MYO3A: variants seen among roughly 807,000 people sequenced by gnomAD.
MYO3A encodes the protein myosin-IIIa.
MYO3A carries 180 observed loss-of-function variants against 192.7 expected under a neutral mutation model. That is an observed-to-expected ratio of 0.93 (90% CI 0.83 to 1.06). The LOEUF (loss-of-function observed/expected upper bound fraction) is 1.06, where lower values mean the gene tolerates loss of function less well. Among genes scored for constraint, MYO3A ranks in the 50% least tolerant of loss-of-function variants. MYO3A has a pLI of 0.00. For missense variants in MYO3A, 1,896 were observed against 1,905.0 expected (o/e 1.00, Z 0.09); for synonymous variants, 628 against 645.3 (o/e 0.97, Z 0.41).
At position 25,944,925 on chromosome 10, in the gene MYO3A, C is replaced by A. The variant is rs144677373; in HGVS notation, c.-17-7169C>A. Among the ~76,000 whole-genome samples the A allele has an allele frequency of 4.6e-5, 7 of 151,860 alleles. No individual in the cohort carries two copies. The East Asian group carries it at 1.4e-3, about 29-fold the overall frequency. On this transcript the variant is annotated intron_variant, in intron 2 of 34. Transcript: ENST00000642920. ...TCATTATTTCCTACTTTTTTTGTCA[C>A]CTTTAGGTTCAGTTTGCTCCTCTTA...
intron 4 of MYO3A, among the ~76,000 whole-genome samples, chr10:25,982,861 T>G (rs1249755394): frequency 6.6e-6 from 1 of 151,990 alleles, no homozygotes; most frequent in Admixed American, 6.6e-5. Context: ...AGAAAAACAA[T>G]TCTAGTAATA....
intron 10 of MYO3A, among the ~76,000 whole-genome samples, chr10:26,041,893 T>C (rs924740158): frequency 2.0e-5 from 3 of 152,158 alleles, no homozygotes; most frequent in African/African-American, 7.2e-5. Flanking sequence ...TGTTTTTCCT[T>C]GTACTTACTA....
intron 4 of MYO3A, among the ~76,000 whole-genome samples, chr10:25,972,731 G>A (rs1040829247): frequency 6.6e-6 from 1 of 152,152 alleles, no homozygotes; most frequent in Non-Finnish European, 1.5e-5. Context: ...GAATGACAGT[G>A]ATTTTAACAG....
At chr10:26,131,504 A>G (rs563640235) in intron 20 of MYO3A, among the ~76,000 whole-genome samples, 3 of 152,226 alleles carry the variant, frequency 2.0e-5, no homozygotes, top group Non-Finnish European at 2.9e-5. Context: ...TGGCAGCTAT[A>G]CCTCCTTTCT....
At chr10:26,179,729 A>G (rs1842526541) in intron 31 of MYO3A, among the ~76,000 whole-genome samples, 1 of 152,266 alleles carries the variant, frequency 6.6e-6, no homozygotes, top group African/African-American at 2.4e-5. Context: ...GTTTGAGAAA[A>G]AAAGAAAGAA....
At chr10:26,041,872 A>G (rs1843367865) in intron 10 of MYO3A, among the ~76,000 whole-genome samples, 1 of 152,068 alleles carries the variant, frequency 6.6e-6, no homozygotes, top group Non-Finnish European at 1.5e-5. Flanking sequence ...TTACAGTATT[A>G]TAATATTCTG....
chr10:26,153,236 G>A (rs1840907456), intron 23 of MYO3A, among the ~76,000 whole-genome samples: 1 of 152,110 alleles, frequency 6.6e-6, no homozygotes, highest in Admixed American at 6.5e-5. Flanking sequence ...TGGATTCTGG[G>A]TGCAGATCAG....
At chr10:25,994,084 C>T (rs935192628) in intron 4 of MYO3A, among the ~76,000 whole-genome samples, 2 of 152,032 alleles carry the variant, frequency 1.3e-5, no homozygotes, top group African/African-American at 4.8e-5. Context: ...CTTTCTGTCT[C>T]GTTGATCTGT....
intron 20 of MYO3A, among the ~76,000 whole-genome samples, chr10:26,134,175 C>G (rs1015245340): frequency 1.3e-5 from 2 of 152,164 alleles, no homozygotes; most frequent in African/African-American, 4.8e-5. Context: ...GAGAAATATT[C>G]TAAAACTCAT....
intron 26 of MYO3A, among the ~76,000 whole-genome samples, chr10:26,164,954 T>C (rs556409552): frequency 1.7e-4 from 26 of 152,308 alleles, no homozygotes; most frequent in African/African-American, 5.8e-4. Flanking sequence ...GCAGGCCTAG[T>C]GGCTAATAGG....
At chr10:26,123,378 T>C (rs1838992198) in intron 18 of MYO3A, among the ~76,000 whole-genome samples, 1 of 152,154 alleles carries the variant, frequency 6.6e-6, no homozygotes, top group African/African-American at 2.4e-5. Context: ...AAGATGAACA[T>C]ATCAATGAAA....
chr10:26,094,160 T>C (rs985251687), intron 15 of MYO3A, among the ~76,000 whole-genome samples: 3 of 152,226 alleles, frequency 2.0e-5, no homozygotes, highest in Non-Finnish European at 2.9e-5. Flanking sequence ...ATTATTAGCG[T>C]GTCTGTCACA....
chr10:26,070,085 C>G lies in MYO3A; in HGVS notation c.1171-26C>G, dbSNP rs749729215. On this transcript the variant is annotated intron_variant, in intron 12 of 34. Coordinates refer to ENST00000642920, the MANE Select transcript of MYO3A (RefSeq NM_017433.5). ...ACTTAAATAAAAACAAAAAGCCCTA[C>G]AAAATGTATTCTTTTTAACCTTTAG... 7 of 1,525,026 alleles carry G rather than the reference C, an allele frequency of 4.6e-6. No individual in the cohort carries two copies. The South Asian group carries it at 8.0e-5, about 17-fold the overall frequency. The allele number at this position is 1,525,026 out of a possible 1,614,324, so 94.5% of individuals were successfully genotyped here. A position where few individuals can be genotyped will look rare whatever the true frequency, so the allele number is the denominator to read the frequency against.
chr10:25,982,963 A>G (rs186102476), intron 4 of MYO3A, among the ~76,000 whole-genome samples: 2 of 152,300 alleles, frequency 1.3e-5, no homozygotes, highest in East Asian at 3.9e-4. Flanking sequence ...AATTGCCAGA[A>G]AAAGAATTCA....
intron 3 of MYO3A, among the ~76,000 whole-genome samples, chr10:25,952,645 G>C (rs1055394920): frequency 6.6e-6 from 1 of 152,026 alleles, no homozygotes; most frequent in Non-Finnish European, 1.5e-5. Context: ...TTCGTCCTGT[G>C]TTTATTTAGG....
intron 15 of MYO3A, among the ~76,000 whole-genome samples, chr10:26,090,113 G>C (rs979945172): frequency 1.9e-4 from 29 of 152,202 alleles, no homozygotes; most frequent in African/African-American, 6.8e-4. Context: ...AAAACCATTT[G>C]TTCTGCTTTC....
intron 2 of MYO3A, among the ~76,000 whole-genome samples, chr10:25,942,119 AGCCTCCCAAGTACCT>A (rs1009532506): frequency 6.6e-6 from 1 of 151,348 alleles, no homozygotes; most frequent in African/African-American, 2.4e-5. Context: ...CCTCTGCCTC[AGCCTCCCAAGTACCT>A]GGGACTACAG....
chr10:26,174,284 A>G lies in MYO3A; in HGVS notation c.4020A>G (p.Thr1340=). 1.2e-6 allele frequency: 2 copies of G among 1,614,076 alleles called. No homozygotes were observed. Among genetic ancestry groups the G allele is most frequent in the Non-Finnish European group, 1.7e-6 (2 of 1,179,946 alleles). ...TVKERQVEPV[T]QAQEEEDKAA... Reference sequence around the variant, plus strand: ...AAGAGAGGCAAGTTGAACCAGTGACACAGGCCCAGGAGGAAGAAGATAAAG... The same window carrying G: ...AAGAGAGGCAAGTTGAACCAGTGACGCAGGCCCAGGAGGAAGAAGATAAAG... The change falls in exon 30 of 35, where the codon ACA becomes ACG. Residue 1340 remains threonine (T), a synonymous_variant. Transcript: ENST00000642920.
At chr10:26,155,889 G>A (rs745457958) in intron 25 of MYO3A, among the ~76,000 whole-genome samples, 1 of 152,188 alleles carries the variant, frequency 6.6e-6, no homozygotes, top group Non-Finnish European at 1.5e-5. Context: ...CTGTATGTAT[G>A]TTTAAACCAG....
Sources: gnomAD v4.1 joint callset for allele counts (sites outside exome capture counted in the v4.1 genomes callset) on GRCh38, gnomAD v4.1.1 for gene constraint, MANE v1.5 for transcripts, NCBI Gene and HGNC (gene_info 2026-07-23, HGNC 2026-07-21) for gene names.